Variants in ABHD6 observed in about 807,000 individuals in gnomAD.
ABHD6 encodes the protein monoacylglycerol lipase ABHD6.
A neutral mutation model predicts 38.8 loss-of-function variants in ABHD6; 33 were observed. The ratio of observed to expected loss-of-function variants is 0.85; its 90% confidence interval spans 0.64 to 1.14. The LOEUF is 1.14. Ranked by LOEUF, ABHD6 falls within the 50% of genes most tolerant of loss-of-function variation. The probability of loss-of-function intolerance (pLI) is 0.00; values close to 1 mark genes in which losing one functional copy is unlikely to be tolerated. For synonymous variants in ABHD6, 147 were observed against 161.6 expected (o/e 0.91, Z 0.69); for missense variants, 380 against 422.6 (o/e 0.90, Z 0.88).
At chr3:58,275,352 C>A (rs958626251) in intron 7 of ABHD6, among the ~76,000 whole-genome samples, 1 of 139,586 alleles carries the variant, frequency 7.2e-6, no homozygotes, top group Non-Finnish European at 1.5e-5. Flanking sequence ...TTTTTCCAGA[C>A]AGAGTCTCAC....
At chr3:58,292,645 G>A (rs1056223603) in intron 9 of ABHD6, among the ~76,000 whole-genome samples, 8 of 152,196 alleles carry the variant, frequency 5.3e-5, no homozygotes, top group Admixed American at 3.9e-4. Flanking sequence ...AGCTGGGTGC[G>A]GTGGCTCAGG....
chr3:58,261,742 C>T (rs542409963), intron 3 of ABHD6, among the ~76,000 whole-genome samples: 1 of 152,192 alleles, frequency 6.6e-6, no homozygotes, highest in Non-Finnish European at 1.5e-5. Flanking sequence ...ACCCCCTATG[C>T]ACTGCTGTTG....
In ABHD6 at chr3:58,263,315, G is replaced by A. The variant is rs979786655; in HGVS notation, c.120-3874G>A. ...TGAGGCGGGAGAATCACTTGAACCCGGGAGGTGGAGGTTGCAGTGAACTGA... is the reference window on the plus strand; with the variant it reads ...TGAGGCGGGAGAATCACTTGAACCCAGGAGGTGGAGGTTGCAGTGAACTGA... On this transcript the variant is annotated intron_variant, in intron 3 of 9. Transcript: ENST00000478253. This position sits in a 1 kb window ranked among gnomAD's most constrained non-coding sequence, Gnocchi z 4.9. Among the ~76,000 whole-genome samples, 69 of 151,938 alleles carry A rather than the reference G, an allele frequency of 4.5e-4. No individual in the cohort carries two copies. The highest frequency in any genetic ancestry group is 7.7e-4 in the African/African-American group (32 of 41,426).
Position 58,256,282 on chromosome 3 carries a change from C to T in ABHD6, c.-25-280C>T, listed in dbSNP as rs1323835834. On this transcript the variant is annotated intron_variant, in intron 2 of 9. Transcript: ENST00000478253. The surrounding 1 kb of genome is among the most constrained non-coding windows in gnomAD (Gnocchi z 4.3). ...AAGAATTGTGTCACTGATACATTGA[C>T]GTTGTCTAATACCCAGCCCTTACTC... 1.3e-5 allele frequency among the ~76,000 whole-genome samples: 2 copies of T among 152,122 alleles called. No homozygotes were observed. Among genetic ancestry groups the T allele is most frequent in the South Asian group, 2.1e-4 (1 of 4,830 alleles).
chr3:58,245,796 G>C (rs537563960), intron 1 of ABHD6, among the ~76,000 whole-genome samples: 2 of 142,392 alleles, frequency 1.4e-5, no homozygotes, highest in East Asian at 4.5e-4. Context: ...AAGAAAGAAA[G>C]AAGGAAGGAG....
In ABHD6 at chr3:58,273,225, ATAT is replaced by A. The variant is rs762056693; in HGVS notation, c.524-1428_524-1426del. Among the ~76,000 whole-genome samples the A allele has an allele frequency of 5.3e-5, 8 of 152,206 alleles. No homozygotes were observed. The highest frequency in any genetic ancestry group is 4.1e-4 in the South Asian group (2 of 4,830). On this transcript the variant is annotated intron_variant, in intron 6 of 9. Transcript: ENST00000478253. This position sits in a 1 kb window ranked among gnomAD's most constrained non-coding sequence, Gnocchi z 4.8. The stretch of plus-strand genomic sequence containing the variant: ...AGCGTGGGTTTCTGCATCACGACCA[ATAT>A]TATTGATGCTACTGCCTTTCATTAT...
intron 1 of ABHD6, among the ~76,000 whole-genome samples, chr3:58,246,471 C>G (rs2097426484): frequency 6.6e-6 from 1 of 152,242 alleles, no homozygotes; most frequent in South Asian, 2.1e-4. Flanking sequence ...TGTCACTTCT[C>G]TAGAGAATCA....
In ABHD6 at chr3:58,273,823, G is replaced by C. The variant is rs1277490188; in HGVS notation, c.524-835G>C. Among the ~76,000 whole-genome samples, 1 of 151,988 alleles carries C rather than the reference G, an allele frequency of 6.6e-6. No homozygotes were observed. The highest frequency in any genetic ancestry group is 1.9e-4 in the East Asian group (1 of 5,178). On this transcript the variant is annotated intron_variant, in intron 6 of 9. Coordinates refer to ENST00000478253, the MANE Select transcript of ABHD6 (RefSeq NM_001320126.2). The surrounding 1 kb of genome is among the most constrained non-coding windows in gnomAD (Gnocchi z 4.8). ...GGGTTGATAGGTGCAGCAAACCACC[G>C]TGGCACATGTATACCTATGTAACAA...
At position 58,273,736 on chromosome 3, in the gene ABHD6, C is replaced by G. The variant is rs1321355899; in HGVS notation, c.524-922C>G. 6.6e-6 allele frequency among the ~76,000 whole-genome samples: 1 copy of G among 152,024 alleles called. No individual in the cohort carries two copies. Among genetic ancestry groups the G allele is most frequent in the African/African-American group, 2.4e-5 (1 of 41,372 alleles). On this transcript the variant is annotated intron_variant, in intron 6 of 9. Transcript: ENST00000478253. This position sits in a 1 kb window ranked among gnomAD's most constrained non-coding sequence, Gnocchi z 4.8. ...CTGGGGCCTGTCAGAGGGTGGAGGT[C>G]ACAGGGAGGGAGAGCATTAGGACAA...
chr3:58,285,052 CT>C lies in ABHD6; in HGVS notation c.682-31del. ...AGAGGCCTGAGGAAATGAATCTTCT[CT>C]TGCTCTCTAACTTTGGGTTATTTAT... On this transcript the variant is annotated intron_variant, in intron 7 of 9. Coordinates refer to ENST00000478253, the MANE Select transcript of ABHD6 (RefSeq NM_001320126.2). This position sits in a 1 kb window ranked among gnomAD's most constrained non-coding sequence, Gnocchi z 4.9. 1 of 1,606,008 alleles carries C rather than the reference CT, an allele frequency of 6.2e-7. No homozygotes were observed. Among genetic ancestry groups the C allele is most frequent in the Non-Finnish European group, 8.5e-7 (1 of 1,172,686 alleles).
chr3:58,289,497 T>A (rs981079237), intron 9 of ABHD6, among the ~76,000 whole-genome samples: 4 of 150,980 alleles, frequency 2.6e-5, no homozygotes, highest in Non-Finnish European at 5.9e-5. Context: ...CTGCCCTTAA[T>A]CCATTTAACC....
intron 9 of ABHD6, among the ~76,000 whole-genome samples, chr3:58,286,846 G>GCATATATATATATATATATATATATA (rs1304640108): frequency 1.1e-5 from 1 of 90,224 alleles, no homozygotes; most frequent in African/African-American, 4.2e-5. Context: ...GTGTGTGTGT[G>GCATATATATATATATATATATATATA]TGTGTGTATA....
At chr3:58,281,216 G>A (rs1407090187) in intron 7 of ABHD6, among the ~76,000 whole-genome samples, 1 of 152,268 alleles carries the variant, frequency 6.6e-6, no homozygotes, top group Non-Finnish European at 1.5e-5. Flanking sequence ...GGAGTCTAGA[G>A]GCTGCTGGCC....
At chr3:58,248,957 C>T (rs1015859205) in intron 1 of ABHD6, among the ~76,000 whole-genome samples, 2 of 152,244 alleles carry the variant, frequency 1.3e-5, no homozygotes, top group South Asian at 4.1e-4. Flanking sequence ...TGAGATTGAG[C>T]ATCTTTTTAT....
chr3:58,243,490 G>T (rs567912258), intron 1 of ABHD6, among the ~76,000 whole-genome samples: 2 of 152,220 alleles, frequency 1.3e-5, no homozygotes, highest in African/African-American at 4.8e-5. Flanking sequence ...CCACCAGAAA[G>T]ATTTTTTAAA....
chr3:58,271,766 GTTTTTTTTTTTTT>G (rs3038091), intron 6 of ABHD6, among the ~76,000 whole-genome samples: 3 of 63,618 alleles, frequency 4.7e-5, no homozygotes, highest in African/African-American at 1.4e-4. Context: ...CCCTCTCTCT[GTTTTTTTTTTTTT>G]TTTTTTTTTT....
At position 58,267,668 on chromosome 3, in the gene ABHD6, A is replaced by C. The variant is rs2097442114; in HGVS notation, c.276+323A>C. Among the ~76,000 whole-genome samples the C allele has an allele frequency of 6.6e-6, 1 of 152,122 alleles. No individual in the cohort carries two copies. The highest frequency in any genetic ancestry group is 2.4e-5 in the African/African-American group (1 of 41,412). The stretch of plus-strand genomic sequence containing the variant: ...AACAGAATAAGACTCTGTCTCAAAA[A>C]AAATAAAAATAAAAAAAGGAAGAAG... On this transcript the variant is annotated intron_variant, in intron 4 of 9. Coordinates refer to ENST00000478253, the MANE Select transcript of ABHD6 (RefSeq NM_001320126.2). The surrounding 1 kb of genome is among the most constrained non-coding windows in gnomAD (Gnocchi z 4.3).
rs1468355866 is a variant in ABHD6 at position 58,273,946 on chromosome 3, T to C, written c.524-712T>C. Among the ~76,000 whole-genome samples, 1 of 152,234 alleles carries C rather than the reference T, an allele frequency of 6.6e-6. No individual in the cohort carries two copies. Among genetic ancestry groups the C allele is most frequent in the African/African-American group, 2.4e-5 (1 of 41,466 alleles). On this transcript the variant is annotated intron_variant, in intron 6 of 9. Coordinates refer to ENST00000478253, the MANE Select transcript of ABHD6 (RefSeq NM_001320126.2). This position sits in a 1 kb window ranked among gnomAD's most constrained non-coding sequence, Gnocchi z 4.8. ...GCTAAATGCCTAGAAATTTGCTCCA[T>C]GCTGGAAGTGAAAATTAGTTTTGCC... is the stretch of plus-strand genomic sequence containing the variant.
rs762239561 is a variant in ABHD6, at chr3:58,269,323, C to G, written c.279C>G (p.Phe93Leu). 6.2e-7 allele frequency: 1 copy of G among 1,612,944 alleles called. No homozygotes were observed. The highest frequency in any genetic ancestry group is 8.5e-7 in the Non-Finnish European group (1 of 1,179,186). Residue 93 changes from phenylalanine (F) to leucine (L), a missense_variant and splice_region_variant, in exon 5 of 10, where the codon TTC becomes TTG. By Grantham distance (22) the Phe-to-Leu change is conservative. Transcript: ENST00000478253. This position sits in a 1 kb window ranked among gnomAD's most constrained non-coding sequence, Gnocchi z 4.4. ...HKDMWLSVVK[F>L]LPKNLHLVCV... ...TCTCTGGGTCTGTGTGTCCTCAGTT[C>G]CTTCCAAAGAACCTGCACTTGGTCT...
Sources: allele counts gnomAD v4.1 joint callset (sites outside exome capture counted in the v4.1 genomes callset), GRCh38; gene constraint gnomAD v4.1.1; non-coding constraint Gnocchi (gnomAD v3.1); transcripts MANE v1.5; gene names NCBI Gene and HGNC (gene_info 2026-07-23, HGNC 2026-07-21).